ATP8A2: variants seen among roughly 807,000 people sequenced by gnomAD.
ATP8A2 encodes phospholipid-transporting ATPase IB.
In ATP8A2, 100 loss-of-function variants were observed where a neutral mutation model predicts 165.6. The observed-to-expected ratio is 0.60, with a 90% confidence interval of 0.51 to 0.71. The LOEUF is 0.71. ATP8A2 is among the 30% of genes least tolerant of loss of function. ATP8A2 has a pLI of 0.00. For synonymous variants in ATP8A2, 543 were observed against 548.8 expected, an observed-to-expected ratio of 0.99 and a Z score of 0.15; for missense variants, 1,227 against 1,479.5, an observed-to-expected ratio of 0.83 and a Z score of 2.80.
intron 1 of ATP8A2, among the ~76,000 whole-genome samples, chr13:25,409,214 G>T (rs1484319961): frequency 6.6e-6 from 1 of 152,114 alleles, no homozygotes; most frequent in Non-Finnish European, 1.5e-5. Context: ...AAGTCTGCAG[G>T]CTCAGTAATA....
chr13:25,641,928 G>A, intron 24 of ATP8A2, among the ~76,000 whole-genome samples: 1 of 152,102 alleles, frequency 6.6e-6, no homozygotes, highest in Non-Finnish European at 1.5e-5. Flanking sequence ...ACAGAACAGA[G>A]CCCTGAGAAA....
chr13:25,561,077 G>A (rs1304529384), intron 15 of ATP8A2, among the ~76,000 whole-genome samples: 1 of 151,920 alleles, frequency 6.6e-6, no homozygotes, highest in Non-Finnish European at 1.5e-5. Flanking sequence ...TAGTAGAGCG[G>A]GGTTTCACCG....
intron 24 of ATP8A2, among the ~76,000 whole-genome samples, chr13:25,688,559 A>G (rs1462707385): frequency 6.6e-6 from 1 of 152,084 alleles, no homozygotes; most frequent in African/African-American, 2.4e-5. Context: ...CCAACTGGAG[A>G]CTCTCATGTA....
chr13:25,551,963 GA>G (rs1056618293), intron 11 of ATP8A2, among the ~76,000 whole-genome samples: 3 of 151,668 alleles, frequency 2.0e-5, no homozygotes, highest in African/African-American at 7.3e-5. Context: ...AAGGAAAAAA[GA>G]AAAAAAGTAT....
At chr13:25,670,234 T>C (rs2042236842) in intron 24 of ATP8A2, among the ~76,000 whole-genome samples, 1 of 152,216 alleles carries the variant, frequency 6.6e-6, no homozygotes, top group Admixed American at 6.5e-5. Context: ...TTTTGTATGA[T>C]GTGATTTGGT....
intron 28 of ATP8A2, among the ~76,000 whole-genome samples, chr13:25,835,832 C>A (rs975221359): frequency 2.6e-5 from 4 of 152,280 alleles, no homozygotes; most frequent in African/African-American, 9.6e-5. Flanking sequence ...TTACACCGCA[C>A]CCTCAGCCAG....
At chr13:25,682,950 T>G (rs556494039) in intron 24 of ATP8A2, among the ~76,000 whole-genome samples, 1 of 152,280 alleles carries the variant, frequency 6.6e-6, no homozygotes, top group Admixed American at 6.5e-5. Flanking sequence ...AGGAAAAAAT[T>G]CTTCATGCAA....
At chr13:25,679,759 A>G (rs1406055957) in intron 24 of ATP8A2, among the ~76,000 whole-genome samples, 2 of 152,132 alleles carry the variant, frequency 1.3e-5, no homozygotes, top group African/African-American at 4.8e-5. Flanking sequence ...GAAGGATACC[A>G]CCCTGGGCCC....
chr13:26,012,051 G>A (rs761313712), intron 35 of ATP8A2, among the ~76,000 whole-genome samples: 2 of 120,828 alleles, frequency 1.7e-5, no homozygotes, highest in South Asian at 2.8e-4. Flanking sequence ...CTCCTTAGCC[G>A]TCTGTTTTAG....
At chr13:25,738,986 C>T (rs1255013615) in intron 25 of ATP8A2, among the ~76,000 whole-genome samples, 2 of 152,236 alleles carry the variant, frequency 1.3e-5, no homozygotes, top group African/African-American at 4.8e-5. Context: ...GTAAGTCCAA[C>T]TTATCTTGTT....
intron 2 of ATP8A2, among the ~76,000 whole-genome samples, chr13:25,494,623 G>A (rs544747544): frequency 6.1e-4 from 93 of 152,236 alleles, no homozygotes; most frequent in South Asian, 1.2e-3. Flanking sequence ...TTTTAGAAGC[G>A]CGTTGCTGTT....
At chr13:25,376,920 T>C (rs1221512652) in intron 1 of ATP8A2, among the ~76,000 whole-genome samples, 1 of 152,194 alleles carries the variant, frequency 6.6e-6, no homozygotes, top group African/African-American at 2.4e-5. Context: ...GGACAGAGTG[T>C]TCATCCTGTA....
chr13:25,677,183 TG>T (rs1463837995), intron 24 of ATP8A2, among the ~76,000 whole-genome samples: 1 of 152,194 alleles, frequency 6.6e-6, no homozygotes, highest in Non-Finnish European at 1.5e-5. Context: ...GCTAGCCACA[TG>T]GGGCTGTTTA....
At position 25,589,639 on chromosome 13, in the gene ATP8A2, T is replaced by C; in HGVS notation, c.2151T>C (p.Tyr717=). The change falls in exon 24 of 37, where the codon TAT becomes TAC. Residue 717 remains tyrosine (Y), a synonymous_variant. Transcript: ENST00000381655. Reference sequence around the variant, plus strand: ...TTGTCTCTTCCTCCACTTCAGGGTATTCCTGCCGATTGGTATCGCAGAATA... The same window carrying C: ...TTGTCTCTTCCTCCACTTCAGGGTACTCCTGCCGATTGGTATCGCAGAATA... ...DKQETAINIG[Y]SCRLVSQNMA... The C allele has an allele frequency of 6.2e-7, 1 of 1,610,166 alleles. No homozygotes were observed.
At position 25,985,563 on chromosome 13, in the gene ATP8A2, A is replaced by G. The variant is rs554451798; in HGVS notation, c.3377+16884A>G. Among the ~76,000 whole-genome samples, 44 of 152,332 alleles carry G rather than the reference A, an allele frequency of 2.9e-4. 2 individuals are homozygous for G. The South Asian group carries it at 4.8e-3, about 16-fold the overall frequency. ...GCTGGGGGGCAGTCATGGTCGATCA[A>G]TCCCCAGCCAGAATGTCATCAGAGA... On this transcript the variant is annotated intron_variant, in intron 35 of 36. Coordinates refer to ENST00000381655, the MANE Select transcript of ATP8A2 (RefSeq NM_016529.6).
At chr13:25,466,362 C>T (rs2035668304) in intron 1 of ATP8A2, among the ~76,000 whole-genome samples, 1 of 152,118 alleles carries the variant, frequency 6.6e-6, no homozygotes, top group Non-Finnish European at 1.5e-5. Context: ...ATGCCCTTCC[C>T]TTTCCTAATC....
Position 26,023,683 on chromosome 13 carries a change from T to C in ATP8A2, c.*3698T>C, listed in dbSNP as rs1259358264. On this transcript the variant is annotated 3_prime_UTR_variant, in exon 37 of 37. Coordinates refer to ENST00000381655, the MANE Select transcript of ATP8A2 (RefSeq NM_016529.6). ...CCTCTGTTCCAAGGGATTTATGTCTTAGACCATAGCTGAATTGAATGTTTG... is the reference window on the plus strand; with the variant it reads ...CCTCTGTTCCAAGGGATTTATGTCTCAGACCATAGCTGAATTGAATGTTTG... 1 of 152,208 alleles carries C rather than the reference T, an allele frequency of 6.6e-6. No homozygotes were observed. The highest frequency in any genetic ancestry group is 2.4e-5 in the African/African-American group (1 of 41,450). The allele number at this position is 152,208 out of a possible 1,614,324, so 9.4% of individuals were successfully genotyped here. A position where few individuals can be genotyped will look rare whatever the true frequency, so the allele number is the denominator to read the frequency against.
chr13:25,518,199 C>T (rs1159688663), intron 2 of ATP8A2, among the ~76,000 whole-genome samples: 1 of 152,208 alleles, frequency 6.6e-6, no homozygotes, highest in East Asian at 1.9e-4. Flanking sequence ...TTAGTGTTAT[C>T]ATCTTGTCCT....
intron 33 of ATP8A2, among the ~76,000 whole-genome samples, chr13:25,941,542 C>T (rs1331859735): frequency 1.3e-5 from 2 of 152,218 alleles, no homozygotes; most frequent in Non-Finnish European, 2.9e-5. Context: ...ACAGGCGTCT[C>T]TTCCAGAACC....
Sources: gnomAD v4.1 joint callset for allele counts (sites outside exome capture counted in the v4.1 genomes callset) on GRCh38, gnomAD v4.1.1 for gene constraint, MANE v1.5 for transcripts, NCBI Gene and HGNC (gene_info 2026-07-23, HGNC 2026-07-21) for gene names.